Variants in EXOSC9 observed in about 807,000 individuals in gnomAD.
EXOSC9 encodes the protein exosome component 9.
Under a neutral mutation model 56.5 loss-of-function variants are expected in EXOSC9, and 38 were observed. The ratio of observed to expected loss-of-function variants is 0.67; its 90% CI spans 0.52 to 0.88. The LOEUF (loss-of-function observed/expected upper bound fraction) is 0.88, where lower values mean the gene tolerates loss of function less well. Among genes scored for constraint, EXOSC9 ranks in the 40% least tolerant of loss-of-function variants. The pLI is 0.00. For synonymous variants in EXOSC9, 170 were observed against 170.8 expected (o/e 0.99, Z 0.04); for missense variants, 559 against 530.5 (o/e 1.05, Z -0.53).
At chr4:121,801,588 G>T (rs948678986) in intron 1 of EXOSC9, 98 bp downstream of exon 1, 4 of 1,129,560 alleles carry the variant, frequency 3.5e-6, no homozygotes, top group Non-Finnish European at 4.0e-6. Context: ...GAGCTACTAG[G>T]GGAACGACCG....
Position 121,813,883 on chromosome 4 carries a change from T to A in EXOSC9, c.992T>A (p.Leu331Gln), listed in dbSNP as rs142828776. The A allele has an allele frequency of 1.9e-6, 3 of 1,612,400 alleles. No individual in the cohort carries two copies. In the African/African-American group the frequency reaches 4.0e-5, roughly 22 times the overall value. ...PPSEVVSTPVLWTPGTAQIGE... is the reference protein window; with the variant it reads ...PPSEVVSTPVQWTPGTAQIGE... ...TTGTTAAGTGTTTCTACACCTGTGCTATGGACTCCTGGAACTGCCCAAATT... is the reference window on the plus strand; with the variant it reads ...TTGTTAAGTGTTTCTACACCTGTGCAATGGACTCCTGGAACTGCCCAAATT... The change falls in exon 10 of 12, where the codon CTA becomes CAA. Residue 331 changes from leucine to glutamine, a missense_variant. Physicochemically the swap from Leu to Gln is moderately radical, Grantham distance 113. Transcript: ENST00000243498.
In EXOSC9 at chr4:121,809,986, C is replaced by A; in HGVS notation, c.625C>A (p.Pro209Thr). The change falls in exon 7 of 12, where the codon CCC becomes ACC. Residue 209 changes from proline to threonine, a missense_variant. Coordinates refer to ENST00000243498, the MANE Select transcript of EXOSC9 (RefSeq NM_005033.3). ...FQQGTYLLVD[P>T]NEREERVMDG... Reference sequence around the variant, plus strand: ...TTTCAGAACATATTTATTGGTGGATCCCAATGAACGAGAAGAACGTGTGAT... The same window carrying A: ...TTTCAGAACATATTTATTGGTGGATACCAATGAACGAGAAGAACGTGTGAT... 1 of 1,613,966 alleles carries A rather than the reference C, an allele frequency of 6.2e-7. No individual in the cohort carries two copies. The highest frequency in any genetic ancestry group is 8.5e-7 in the Non-Finnish European group (1 of 1,179,910).
chr4:121,813,857 CTTG>C lies in EXOSC9; in HGVS notation c.975-6_975-4del, dbSNP rs1475914144. On this transcript the variant is annotated splice_polypyrimidine_tract_variant and splice_region_variant and intron_variant, in intron 9 of 11. Coordinates refer to ENST00000243498, the MANE Select transcript of EXOSC9 (RefSeq NM_005033.3). ...TATTTTTGTTACTCAGTTTTCTTAACTTGTTAAGTGTTTCTACACCTGTGCTAT... is the reference window on the plus strand; with the variant it reads ...TATTTTTGTTACTCAGTTTTCTTAACTTAAGTGTTTCTACACCTGTGCTAT... 1.9e-6 allele frequency: 3 copies of C among 1,586,518 alleles called. No individual in the cohort carries two copies. The highest frequency in any genetic ancestry group is 1.8e-5 in the Admixed American group (1 of 56,386).
At chr4:121,807,771 T>C in intron 6 of EXOSC9, 149 bp downstream of exon 6, 2 of 621,548 alleles carry the variant, frequency 3.2e-6, no homozygotes, top group South Asian at 2.0e-5. Context: ...AGGGCATTAG[T>C]TGGCAAAGAA....
chr4:121,802,968 A>G lies in EXOSC9; in HGVS notation c.335A>G (p.Asn112Ser). The stretch of plus-strand genomic sequence containing the variant: ...CGACTCATGGAAAGATGTCTAAGAA[A>G]TTCGAAGTGTATAGACACTGAGTCT... ...LNRLMERCLR[N>S]SKCIDTESLC... Residue 112 changes from asparagine to serine, a missense_variant, in exon 4 of 12, where the codon AAT becomes AGT. Asn to Ser is a conservative substitution (Grantham distance 46). Transcript: ENST00000243498. 1.2e-6 allele frequency: 2 copies of G among 1,614,142 alleles called. No individual in the cohort carries two copies. Among genetic ancestry groups the G allele is most frequent in the East Asian group, 2.2e-5 (1 of 44,866 alleles).
At chr4:121,814,104 A>G (rs1043323566) in intron 10 of EXOSC9, 57 bp downstream of exon 10, 1 of 1,006,644 alleles carries the variant, frequency 9.9e-7, no homozygotes, top group Non-Finnish European at 1.5e-6. Flanking sequence ...GTATTACCGT[A>G]TAGTTATATA....
intron 11 of EXOSC9, 128 bp downstream of exon 11, chr4:121,816,575 C>A (rs1724521604): frequency 5.0e-6 from 4 of 794,272 alleles, no homozygotes; most frequent in South Asian, 2.2e-5. Context: ...CATTAGAGAT[C>A]CATCTGTTCT....
intron 4 of EXOSC9, 106 bp downstream of exon 4, chr4:121,803,123 C>T: frequency 1.3e-6 from 1 of 792,110 alleles, no homozygotes; most frequent in Non-Finnish European, 2.1e-6. Context: ...CAGTATTGTA[C>T]TGGTTTGCTT....
Position 121,806,389 on chromosome 4 carries a change from C to T in EXOSC9, c.523-1151C>T, listed in dbSNP as rs1441468604. On this transcript the variant is annotated intron_variant, in intron 5 of 11. Transcript: ENST00000243498. ...CTGGTCTTGAACTCCCAACCTCGTCCACATCGGCCTTCCAAAGTGCTGGGA... is the reference window on the plus strand; with the variant it reads ...CTGGTCTTGAACTCCCAACCTCGTCTACATCGGCCTTCCAAAGTGCTGGGA... Among the ~76,000 whole-genome samples, 4 of 151,762 alleles carry T rather than the reference C, an allele frequency of 2.6e-5. No individual in the cohort carries two copies. The East Asian group carries it at 7.7e-4, about 29-fold the overall frequency.
Position 121,810,118 on chromosome 4 carries a change from G to C in EXOSC9, c.738+19G>C, listed in dbSNP as rs760643845. 10 of 1,607,566 alleles carry C rather than the reference G, an allele frequency of 6.2e-6. No individual in the cohort carries two copies. In the South Asian group the frequency reaches 9.9e-5, roughly 16 times the overall value. On this transcript the variant is annotated intron_variant, in intron 7 of 11. Transcript: ENST00000243498. ...AGATCAAGTTAGTGCTTTGATTAAT[G>C]TCCCATTAATAATAGGTTGCTTCTC...
intron 6 of EXOSC9, 117 bp downstream of exon 6, chr4:121,807,739 G>C (rs189182143): frequency 2.6e-5 from 17 of 660,962 alleles, no homozygotes; most frequent in Non-Finnish European, 4.3e-5. Context: ...AAAGCACCTT[G>C]TATTTCCTTT....
intron 10 of EXOSC9, 34 bp downstream of exon 10, chr4:121,814,081 TTACA>T (rs780947850): frequency 3.9e-6 from 5 of 1,268,810 alleles, no homozygotes; most frequent in Admixed American, 3.5e-5. Context: ...TTACTATATA[TTACA>T]TACATATAGT....
rs1724362493 is a variant in EXOSC9, at chr4:121,813,934, G to A, written c.1043G>A (p.Gly348Asp). The change falls in exon 10 of 12, where the codon GGT becomes GAT. Residue 348 changes from glycine (G) to aspartate (D), a missense_variant. Physicochemically the swap from Gly to Asp is moderately conservative, Grantham distance 94. Transcript: ENST00000243498. ...QIGEGVENSW[G>D]DLEDSEKEDD... ...GGAGAGGGAGTAGAAAACTCCTGGGGTGATCTTGAAGACTCTGAGAAGGAA... is the reference window on the plus strand; with the variant it reads ...GGAGAGGGAGTAGAAAACTCCTGGGATGATCTTGAAGACTCTGAGAAGGAA... The A allele has an allele frequency of 6.2e-7, 1 of 1,613,268 alleles. No individual in the cohort carries two copies. Among genetic ancestry groups the A allele is most frequent in the Admixed American group, 1.7e-5 (1 of 59,984 alleles).
intron 6 of EXOSC9, among the ~76,000 whole-genome samples, chr4:121,809,106 C>T (rs1464327031): frequency 6.6e-6 from 1 of 152,000 alleles, no homozygotes; most frequent in African/African-American, 2.4e-5. Context: ...CCACCTCAGC[C>T]TTCCAAGTAG....
chr4:121,803,073 C>G, intron 4 of EXOSC9, 56 bp downstream of exon 4: 1 of 1,187,440 alleles, frequency 8.4e-7, no homozygotes. Context: ...GATCATGGAT[C>G]CCGGTATCTA....
At position 121,808,663 on chromosome 4, in the gene EXOSC9, GTTTC is replaced by G. The variant is rs1327719912; in HGVS notation, c.605+1045_605+1048del. On this transcript the variant is annotated intron_variant, in intron 6 of 11. Coordinates refer to ENST00000243498, the MANE Select transcript of EXOSC9 (RefSeq NM_005033.3). ...CGGGGATGAGCCACCATGCCTGGCTGTTTCTTTTTCTTTTCTTTTCTTTTTTTTT... is the reference window on the plus strand; with the variant it reads ...CGGGGATGAGCCACCATGCCTGGCTGTTTTTCTTTTCTTTTCTTTTTTTTT... 2.0e-5 allele frequency among the ~76,000 whole-genome samples: 3 copies of G among 149,544 alleles called. No homozygotes were observed. The East Asian group carries it at 6.0e-4, about 30-fold the overall frequency.
At chr4:121,816,565 C>A in intron 11 of EXOSC9, 118 bp downstream of exon 11, 1 of 807,796 alleles carries the variant, frequency 1.2e-6, no homozygotes, top group Non-Finnish European at 1.9e-6. Flanking sequence ...ATCCCTTTTT[C>A]ATTAGAGATC....
rs370035164 is a variant in EXOSC9 at position 121,801,510 on chromosome 4, G to T, written c.66+20G>T. 1.2e-6 allele frequency: 2 copies of T among 1,612,820 alleles called. No homozygotes were observed. The highest frequency in any genetic ancestry group is 2.7e-5 in the African/African-American group (2 of 74,926). On this transcript the variant is annotated intron_variant, in intron 1 of 11. Coordinates refer to ENST00000243498, the MANE Select transcript of EXOSC9 (RefSeq NM_005033.3). ...AAGAAGGTATGGTTTGGTGCCCGCA[G>T]AATTGCGCGCTGCGTGGGCGCTCGG...
At chr4:121,815,796 C>G (rs1354976080) in intron 10 of EXOSC9, 5 of 1,014,390 alleles carry the variant, frequency 4.9e-6, no homozygotes, top group Non-Finnish European at 5.9e-6. Flanking sequence ...TCAGTTGTCT[C>G]TACAAAAGAT....
Sources: allele counts gnomAD v4.1 joint callset (sites outside exome capture counted in the v4.1 genomes callset), GRCh38; gene constraint gnomAD v4.1.1; transcripts MANE v1.5; gene names NCBI Gene and HGNC (gene_info 2026-07-23, HGNC 2026-07-21).